Variants in DOCK1 observed in about 807,000 individuals in gnomAD.
The protein encoded by DOCK1 is dedicator of cytokinesis protein 1.
DOCK1 carries 138 observed loss-of-function variants against 262.7 expected under a neutral mutation model. The ratio of observed to expected loss-of-function variants is 0.53; its 90% CI spans 0.46 to 0.61. The LOEUF (loss-of-function observed/expected upper bound fraction) is 0.61. Ranked by LOEUF, DOCK1 falls within the 20% of genes least tolerant of loss-of-function variation. DOCK1 has a pLI of 0.00. For synonymous variants in DOCK1, 866 were observed against 867.4 expected, an observed-to-expected ratio of 1.00 and a Z score of 0.03; for missense variants, 1,908 against 2,370.7, an observed-to-expected ratio of 0.80 and a Z score of 4.05.
chr10:127,315,481 C>G (rs1029886996), intron 29 of DOCK1, among the ~76,000 whole-genome samples: 10 of 152,094 alleles, frequency 6.6e-5, no homozygotes, highest in Non-Finnish European at 1.2e-4. Context: ...GACCCTCTAC[C>G]AGCCAAGGAG....
At chr10:127,204,739 G>A (rs1296193888) in intron 27 of DOCK1, among the ~76,000 whole-genome samples, 11 of 152,176 alleles carry the variant, frequency 7.2e-5, no homozygotes. Flanking sequence ...CCAGACATTT[G>A]TTTCAGAATT....
At chr10:127,237,337 G>A (rs1195364869) in intron 27 of DOCK1, among the ~76,000 whole-genome samples, 5 of 135,946 alleles carry the variant, frequency 3.7e-5, no homozygotes, top group African/African-American at 1.4e-4. Flanking sequence ...TCCACCCTGG[G>A]TAACAAGAGC....
rs181956991 is a variant in DOCK1 at position 127,205,477 on chromosome 10, A to T, written c.2848-42531A>T. Among the ~76,000 whole-genome samples, 354 of 152,306 alleles carry T rather than the reference A, an allele frequency of 2.3e-3. 2 individuals are homozygous for T. The highest frequency in any genetic ancestry group is 8.0e-3 in the African/African-American group (334 of 41,572). On this transcript the variant is annotated intron_variant, in intron 27 of 51. Coordinates refer to ENST00000623213, the MANE Select transcript of DOCK1 (RefSeq NM_001290223.2). ...AGAACCTCTACTGAGAAAATAGGGT[A>T]AGCAGATTAAAGCTGAACTCAGACA...
At chr10:126,986,977 G>A (rs2039446718) in intron 4 of DOCK1, among the ~76,000 whole-genome samples, 1 of 152,192 alleles carries the variant, frequency 6.6e-6, no homozygotes, top group African/African-American at 2.4e-5. Flanking sequence ...AGAGGATACA[G>A]AGTTTAATCA....
Position 127,127,727 on chromosome 10 carries a change from G to A in DOCK1, c.2810G>A (p.Arg937Gln), listed in dbSNP as rs564483519. 8.7e-6 allele frequency: 14 copies of A among 1,613,134 alleles called. No homozygotes were observed. Among genetic ancestry groups the A allele is most frequent in the African/African-American group, 5.3e-5 (4 of 75,018 alleles). Residue 937 changes from arginine to glutamine, a missense_variant, in exon 27 of 52, where the codon CGA (arginine) becomes CAA (glutamine). By Grantham distance (43) the Arg-to-Gln change is conservative. Coordinates refer to ENST00000623213, the MANE Select transcript of DOCK1 (RefSeq NM_001290223.2). ...GAGAAACTTCTCCGGACCGTGAACCGAACCGTCATTTCCATGGGACGAGAT... is the reference window on the plus strand; with the variant it reads ...GAGAAACTTCTCCGGACCGTGAACCAAACCGTCATTTCCATGGGACGAGAT... ...IMEKLLRTVN[R>Q]TVISMGRDSE...
chr10:127,410,773 C>T (rs970658428), intron 42 of DOCK1, 67 bp from the exon 43 acceptor site: 7 of 1,466,342 alleles, frequency 4.8e-6, no homozygotes, highest in Non-Finnish European at 6.6e-6. Flanking sequence ...AGGCCAGACC[C>T]CGTGTCCAAA....
intron 29 of DOCK1, among the ~76,000 whole-genome samples, chr10:127,261,481 G>A (rs997625607): frequency 7.0e-6 from 1 of 142,964 alleles, no homozygotes; most frequent in Non-Finnish European, 1.5e-5. Context: ...GCATGTACCC[G>A]TGCTCATCTG....
intron 25 of DOCK1, among the ~76,000 whole-genome samples, chr10:127,122,161 C>T (rs2049628658): frequency 6.6e-6 from 1 of 152,202 alleles, no homozygotes; most frequent in South Asian, 2.1e-4. Flanking sequence ...CTTGGCTTTG[C>T]TGCCTTCAGC....
intron 29 of DOCK1, among the ~76,000 whole-genome samples, chr10:127,279,644 C>T (rs1219518550): frequency 6.6e-6 from 1 of 152,132 alleles, no homozygotes; most frequent in East Asian, 1.9e-4. Flanking sequence ...CAGGGCTGGT[C>T]CTCACCTTTT....
chr10:126,906,020 GC>G (rs2030721988), intron 1 of DOCK1, among the ~76,000 whole-genome samples: 1 of 152,058 alleles, frequency 6.6e-6, no homozygotes, highest in Non-Finnish European at 1.5e-5. Flanking sequence ...GGGTGGGCGG[GC>G]TCAGGTCGGC....
intron 38 of DOCK1, among the ~76,000 whole-genome samples, chr10:127,396,631 T>A (rs1157320657): frequency 3.3e-5 from 5 of 151,934 alleles, no homozygotes; most frequent in African/African-American, 1.2e-4. Flanking sequence ...TCTCTTTCTG[T>A]CCAGTTAAAG....
chr10:127,295,161 T>C (rs1038237713), intron 29 of DOCK1, among the ~76,000 whole-genome samples: 5 of 152,184 alleles, frequency 3.3e-5, no homozygotes, highest in Admixed American at 6.5e-5. Flanking sequence ...AGAGGTTTAT[T>C]TGGCCCATAG....
intron 38 of DOCK1, among the ~76,000 whole-genome samples, chr10:127,395,929 G>C (rs2066801508): frequency 6.6e-6 from 1 of 152,242 alleles, no homozygotes; most frequent in African/African-American, 2.4e-5. Flanking sequence ...GCAGAGAGCA[G>C]ATGGAGGTCC....
intron 29 of DOCK1, among the ~76,000 whole-genome samples, chr10:127,318,987 T>C (rs149760510): frequency 1.7e-4 from 26 of 152,316 alleles, no homozygotes; most frequent in Non-Finnish European, 3.1e-4. Flanking sequence ...AAGCCAGCCT[T>C]GCCAAAGGGT....
At chr10:127,360,067 C>T (rs1488596331) in intron 32 of DOCK1, among the ~76,000 whole-genome samples, 1 of 152,204 alleles carries the variant, frequency 6.6e-6, no homozygotes, top group Non-Finnish European at 1.5e-5. Context: ...TAAAAGATCA[C>T]CTTTTTGATA....
intron 4 of DOCK1, among the ~76,000 whole-genome samples, chr10:126,983,578 A>G (rs1378057266): frequency 6.6e-6 from 1 of 151,534 alleles, no homozygotes; most frequent in Admixed American, 6.6e-5. Flanking sequence ...TTCTTGCATG[A>G]GCTCTCTCTT....
intron 27 of DOCK1, among the ~76,000 whole-genome samples, chr10:127,215,388 G>C (rs1185926008): frequency 6.6e-6 from 1 of 152,178 alleles, no homozygotes; most frequent in East Asian, 1.9e-4. Context: ...TGGTCCGCCT[G>C]GTGCTACTAC....
chr10:127,418,347 T>G lies in DOCK1; in HGVS notation c.4516-18T>G, dbSNP rs1565076338. On this transcript the variant is annotated intron_variant, in intron 44 of 51. Coordinates refer to ENST00000623213, the MANE Select transcript of DOCK1 (RefSeq NM_001290223.2). ...GGCAGCTGTGGGGCTGACATCGGGCTCTCCTCTCTCTTTGCAGGTGGAAAT... is the reference window on the plus strand; with the variant it reads ...GGCAGCTGTGGGGCTGACATCGGGCGCTCCTCTCTCTTTGCAGGTGGAAAT... The G allele has an allele frequency of 6.3e-7, 1 of 1,592,698 alleles. No homozygotes were observed. The highest frequency in any genetic ancestry group is 1.3e-5 in the African/African-American group (1 of 74,434).
intron 16 of DOCK1, among the ~76,000 whole-genome samples, chr10:127,029,571 T>A (rs1327712264): frequency 6.6e-6 from 1 of 152,212 alleles, no homozygotes; most frequent in East Asian, 1.9e-4. Flanking sequence ...TGTAGTGGGC[T>A]TGTTGGGTAG....
Sources: gnomAD v4.1 joint callset for allele counts (sites outside exome capture counted in the v4.1 genomes callset) on GRCh38, gnomAD v4.1.1 for gene constraint, MANE v1.5 for transcripts, NCBI Gene and HGNC (gene_info 2026-07-23, HGNC 2026-07-21) for gene names.